The following BRF2 variants were observed in gnomAD, a reference collection of about 807,000 sequenced individuals.
The protein encoded by BRF2 is BRF2 general transcription factor IIIB subunit, also known as transcription factor IIIB 50 kDa subunit.
In BRF2, 17 loss-of-function variants were observed where a neutral mutation model predicts 26.6. The ratio of observed to expected loss-of-function variants is 0.64; its 90% CI spans 0.44 to 0.96. BRF2 has a LOEUF of 0.96. Among genes scored for constraint, BRF2 ranks in the 40% least tolerant of loss-of-function variants. BRF2 has a pLI of 0.00. For missense variants in BRF2, 515 were observed against 537.0 expected (o/e 0.96, Z 0.40); for synonymous variants, 219 against 226.6 (o/e 0.97, Z 0.30).
In BRF2 at chr8:37,843,828, T is replaced by G. The variant is rs917092809; in HGVS notation, c.*662A>C. 1 of 152,786 alleles carries G rather than the reference T, an allele frequency of 6.5e-6. No homozygotes were observed. The highest frequency in any genetic ancestry group is 1.5e-5 in the Non-Finnish European group (1 of 68,146). The allele number at this position is 152,786 out of a possible 1,614,324, so 9.5% of individuals were successfully genotyped here. Reference sequence around the variant, plus strand: ...AATGCCTTAGCACTGGAGAGCTTTTTGCAATATGCTGGGGAAAGGGGAGGG... The same window carrying G: ...AATGCCTTAGCACTGGAGAGCTTTTGGCAATATGCTGGGGAAAGGGGAGGG... On this transcript the variant is annotated 3_prime_UTR_variant, in exon 4 of 4. Coordinates refer to ENST00000220659, the MANE Select transcript of BRF2 (RefSeq NM_018310.4).
rs201109709 is a variant in BRF2, at chr8:37,845,026, G to A, written c.724C>T (p.Arg242Trp). 30 of 1,613,982 alleles carry A rather than the reference G, an allele frequency of 1.9e-5. No homozygotes were observed. The East Asian group carries it at 2.7e-4, about 14-fold the overall frequency. The change falls in exon 4 of 4, where the codon CGG becomes TGG. Residue 242 changes from arginine (R) to tryptophan (W), a missense_variant. By Grantham distance (101) the Arg-to-Trp change is moderately radical. Transcript: ENST00000220659. ...AATCGGGCAAGGGAACATGAAAGCC[G>A]ATCTGCAGGCTGCAGCGACTGCCAA... ...LAWQSLQPAD[R>W]LSCSLARFCK...
At chr8:37,846,477 G>A (rs946472944) in intron 3 of BRF2, among the ~76,000 whole-genome samples, 23 of 152,286 alleles carry the variant, frequency 1.5e-4, no homozygotes, top group Admixed American at 2.6e-4. Context: ...GGCCAAGGCC[G>A]GGTGCGGTGG....
chr8:37,848,551 A>T, intron 2 of BRF2, 45 bp downstream of exon 2: 1 of 1,578,624 alleles, frequency 6.3e-7, no homozygotes, highest in Non-Finnish European at 8.7e-7. Flanking sequence ...CTGGCCTAGG[A>T]TAGTTTTCTT....
At chr8:37,848,814 G>C (rs1806012044) in intron 1 of BRF2, among the ~76,000 whole-genome samples, 159 bp from the exon 2 acceptor site, 1 of 152,192 alleles carries the variant, frequency 6.6e-6, no homozygotes, top group Admixed American at 6.5e-5. Context: ...AAGAGGTTCC[G>C]AATACACAGA....
In BRF2 at chr8:37,844,924, T is replaced by C; in HGVS notation, c.826A>G (p.Met276Val). 2 of 1,614,132 alleles carry C rather than the reference T, an allele frequency of 1.2e-6. No homozygotes were observed. Among genetic ancestry groups the C allele is most frequent in the South Asian group, 2.2e-5 (2 of 91,088 alleles). The stretch of plus-strand genomic sequence containing the variant: ...CGTAACCAGGCCAGCTGCTCAGCCA[T>C]CCGCAGCAGCACAGCCAGCAGCTCC... ...LQELLAVLLR[M>V]AEQLAWLRVL... The change falls in exon 4 of 4, where the codon ATG becomes GTG. Residue 276 changes from methionine (M) to valine (V), a missense_variant. Met to Val is a conservative substitution (Grantham distance 21). Transcript: ENST00000220659.
intron 2 of BRF2, among the ~76,000 whole-genome samples, chr8:37,847,675 G>A (rs1173005656): frequency 6.7e-6 from 1 of 148,664 alleles, no homozygotes; most frequent in African/African-American, 2.5e-5. Context: ...GATTACAGGT[G>A]TGCACCACCA....
In BRF2 at chr8:37,847,070, C is replaced by A; in HGVS notation, c.320G>T (p.Arg107Leu). 1 of 1,614,210 alleles carries A rather than the reference C, an allele frequency of 6.2e-7. No homozygotes were observed. Residue 107 changes from arginine (R) to leucine (L), a missense_variant, in exon 3 of 4, where the codon CGA becomes CTA. Transcript: ENST00000220659. The stretch of plus-strand genomic sequence containing the variant: ...CTCCTTCTTTTGCAGCCTGGCCGCT[C>A]GGATGCCAGAGTGCCGATATGCCTG... ...YQQAYRHSGIRAARLQKKEVL... is the reference protein window; with the variant it reads ...YQQAYRHSGILAARLQKKEVL...
rs1563358865 is a variant in BRF2 at position 37,846,896 on chromosome 8, G to A, written c.494C>T (p.Pro165Leu). Residue 165 changes from proline (P) to leucine (L), a missense_variant, in exon 3 of 4, where the codon CCA (proline) becomes CTA (leucine). By Grantham distance (98) the Pro-to-Leu change is moderately conservative. Coordinates refer to ENST00000220659, the MANE Select transcript of BRF2 (RefSeq NM_018310.4). ...CACCAGTTCTGCCAAGCACAGAGAT[G>A]GCACATCCAGTCCCAGGAGCTTCAC... is the stretch of plus-strand genomic sequence containing the variant. ...QIVKLLGLDVPSLCLAELVKT... is the reference protein window; with the variant it reads ...QIVKLLGLDVLSLCLAELVKT... 1 of 1,614,034 alleles carries A rather than the reference G, an allele frequency of 6.2e-7. No homozygotes were observed. Among genetic ancestry groups the A allele is most frequent in the Non-Finnish European group, 8.5e-7 (1 of 1,179,934 alleles).
rs1563359682 is a variant in BRF2, at chr8:37,848,631, CCT to C, written c.177_178del (p.Glu61LysfsTer5). On this transcript the variant is annotated frameshift_variant, in exon 2 of 4. Coordinates refer to ENST00000220659, the MANE Select transcript of BRF2 (RefSeq NM_018310.4). LOFTEE classifies it high-confidence loss of function. ...GCTGCGACTAACTTGTTCGTTTTCC[CCT>C]GTGCTTCGGGAATATGTTACCTCTG... The C allele has an allele frequency of 1.9e-6, 3 of 1,614,126 alleles. No homozygotes were observed. The highest frequency in any genetic ancestry group is 2.2e-5 in the South Asian group (2 of 91,078).
chr8:37,844,207 C>A lies in BRF2; in HGVS notation c.*283G>T. 1 of 429,568 alleles carries A rather than the reference C, an allele frequency of 2.3e-6. No homozygotes were observed. The highest frequency in any genetic ancestry group is 3.9e-5 in the East Asian group (1 of 25,624). 26.6% of individuals were successfully genotyped at this position (429,568 alleles called of 1,614,324 possible). A position where few individuals can be genotyped will look rare whatever the true frequency, so the allele number is the denominator to read the frequency against. ...CCAATTCAAACCAGCAGCAAAGAGC[C>A]TGACATTTTCCCATCCATCTATGAG... On this transcript the variant is annotated 3_prime_UTR_variant, in exon 4 of 4. Coordinates refer to ENST00000220659, the MANE Select transcript of BRF2 (RefSeq NM_018310.4).
At chr8:37,845,917 T>A in intron 3 of BRF2, 1 of 574,974 alleles carries the variant, frequency 1.7e-6, no homozygotes, top group Admixed American at 3.4e-5. Context: ...ACAAAGCCCA[T>A]GGCACAGCAC....
chr8:37,847,961 A>AT (rs998271737), intron 2 of BRF2, among the ~76,000 whole-genome samples: 4 of 137,618 alleles, frequency 2.9e-5, no homozygotes, highest in African/African-American at 8.2e-5. Flanking sequence ...TATTATTATT[A>AT]TTTTTTGAGA....
At position 37,845,198 on chromosome 8, in the gene BRF2, T is replaced by C. The variant is rs1805931977; in HGVS notation, c.552A>G (p.Gln184=). 8 of 1,610,014 alleles carry C rather than the reference T, an allele frequency of 5.0e-6. No individual in the cohort carries two copies. The highest frequency in any genetic ancestry group is 1.3e-5 in the African/African-American group (1 of 74,852). Residue 184 remains glutamine, a synonymous_variant, in exon 4 of 4, where the codon CAA becomes CAG. Coordinates refer to ENST00000220659, the MANE Select transcript of BRF2 (RefSeq NM_018310.4). ...KTYCSSFKLF[Q]ASPSVPAKYV... is the part of the protein sequence containing the mutation. ...ATTTGGCTGGCACAGAAGGTGAAGC[T>C]TGGAACAGTTTGAAGCTGAAATAAC...
chr8:37,848,043 G>A (rs111881507), intron 2 of BRF2, among the ~76,000 whole-genome samples: 34,032 of 140,998 alleles, frequency 0.24, 3,998 homozygotes, highest in Middle Eastern at 0.37. Context: ...TCCGCCTCCC[G>A]GGTTCACGCC....
At chr8:37,847,863 T>G (rs1353199132) in intron 2 of BRF2, among the ~76,000 whole-genome samples, 2 of 151,780 alleles carry the variant, frequency 1.3e-5, no homozygotes, top group African/African-American at 2.4e-5. Flanking sequence ...CTACTCTACC[T>G]CACACCAGCA....
At chr8:37,849,509 G>A (rs747748965) in intron 1 of BRF2, 121 bp downstream of exon 1, 46 of 846,728 alleles carry the variant, frequency 5.4e-5, no homozygotes, top group Non-Finnish European at 8.1e-5. Context: ...CTCACTTTAG[G>A]TCATTTTCTC....
At position 37,846,834 on chromosome 8, in the gene BRF2, G is replaced by A. The variant is rs762646812; in HGVS notation, c.536+20C>T. 1.1e-5 allele frequency: 18 copies of A among 1,580,416 alleles called. No homozygotes were observed. Among genetic ancestry groups the A allele is most frequent in the African/African-American group, 2.7e-5 (2 of 74,222 alleles). On this transcript the variant is annotated intron_variant, in intron 3 of 3. Transcript: ENST00000220659. ...AGGACCCATCCCATCCCATCCTACTGTCTCCCACCAGGGACGTACCTGCTG... is the reference window on the plus strand; with the variant it reads ...AGGACCCATCCCATCCCATCCTACTATCTCCCACCAGGGACGTACCTGCTG...
intron 2 of BRF2, 139 bp from the exon 3 acceptor site, chr8:37,847,314 G>T: frequency 1.4e-6 from 1 of 734,338 alleles, no homozygotes; most frequent in Non-Finnish European, 2.4e-6. Context: ...TTTCTGCATA[G>T]ACAGGAGTGA....
chr8:37,845,747 A>G (rs1805945469), intron 3 of BRF2: 1 of 682,636 alleles, frequency 1.5e-6, no homozygotes, highest in Non-Finnish European at 2.6e-6. Context: ...GGCTGCAGTG[A>G]GCTATGATGG....
Sources: gnomAD v4.1 joint callset for allele counts (sites outside exome capture counted in the v4.1 genomes callset) on GRCh38, gnomAD v4.1.1 for gene constraint, MANE v1.5 for transcripts, NCBI Gene and HGNC (gene_info 2026-07-23, HGNC 2026-07-21) for gene names.